NGEF: variants seen among roughly 807,000 people sequenced by gnomAD.
NGEF encodes the protein ephexin-1.
NGEF carries 31 observed loss-of-function variants against 80.9 expected under a neutral mutation model. That is an observed-to-expected ratio of 0.38 (90% CI 0.29 to 0.52). The LOEUF is 0.52. Among genes scored for constraint, NGEF ranks in the 20% least tolerant of loss-of-function variants. NGEF has a pLI of 0.84. For missense variants in NGEF, 709 were observed against 926.2 expected (o/e 0.77, Z 3.04); for synonymous variants, 371 against 370.2 (o/e 1.00, Z -0.03).
intron 5 of NGEF, among the ~76,000 whole-genome samples, chr2:232,899,267 G>A (rs1231092450): frequency 2.2e-5 from 3 of 135,582 alleles, no homozygotes; most frequent in African/African-American, 8.1e-5. Flanking sequence ...TGTCACTACA[G>A]AAGCTCCTCC....
chr2:233,006,258 C>G (rs1195325051), intron 1 of NGEF, among the ~76,000 whole-genome samples: 1 of 152,152 alleles, frequency 6.6e-6, no homozygotes, highest in Non-Finnish European at 1.5e-5. Context: ...CAGCATTTAC[C>G]AAGCCATTTT....
chr2:232,969,490 T>TTCCTTCCTTCCTTCCTTCCG (rs1694141914), intron 3 of NGEF, among the ~76,000 whole-genome samples: 1 of 114,716 alleles, frequency 8.7e-6, no homozygotes, highest in African/African-American at 3.6e-5. Flanking sequence ...CCTTCCTTCC[T>TTCCTTCCTTCCTTCCTTCCG]CCCTCCCTCC....
intron 3 of NGEF, among the ~76,000 whole-genome samples, chr2:232,929,647 T>A (rs1488110862): frequency 2.0e-5 from 3 of 152,222 alleles, no homozygotes; most frequent in Non-Finnish European, 4.4e-5. Context: ...CTCACTCCCA[T>A]GGACCCAGGT....
At chr2:233,003,767 C>G (rs1054075818) in intron 1 of NGEF, among the ~76,000 whole-genome samples, 18 of 152,138 alleles carry the variant, frequency 1.2e-4, no homozygotes, top group Non-Finnish European at 2.4e-4. Flanking sequence ...AAGTGCCAAG[C>G]TGAGGCCATC....
chr2:232,889,122 C>T (rs1691798098), intron 8 of NGEF, among the ~76,000 whole-genome samples: 1 of 152,180 alleles, frequency 6.6e-6, no homozygotes, highest in Non-Finnish European at 1.5e-5. Flanking sequence ...ACCTTCGAGA[C>T]CCACAGCCAC....
intron 13 of NGEF, among the ~76,000 whole-genome samples, chr2:232,881,749 G>A (rs1423620028): frequency 2.0e-5 from 3 of 152,094 alleles, no homozygotes; most frequent in African/African-American, 4.8e-5. Context: ...TGGCTATTCC[G>A]TATTTTTAGT....
At chr2:232,893,074 C>T (rs1016134591) in intron 6 of NGEF, 24 bp from the exon 7 acceptor site, 8 of 1,603,686 alleles carry the variant, frequency 5.0e-6, no homozygotes, top group East Asian at 2.2e-5. Context: ...CGGCTTGAGG[C>T]GGAGGGTGCC....
intron 3 of NGEF, among the ~76,000 whole-genome samples, chr2:232,941,193 A>G (rs1693430877): frequency 6.6e-6 from 1 of 152,008 alleles, no homozygotes; most frequent in African/African-American, 2.4e-5. Flanking sequence ...AGATCAGATG[A>G]GCCAGTTTAT....
intron 1 of NGEF, among the ~76,000 whole-genome samples, chr2:232,995,655 T>TATACAGTATGTATAC (rs1694823585): frequency 1.2e-5 from 1 of 84,680 alleles, no homozygotes; most frequent in African/African-American, 6.3e-5. Context: ...AGTGTATATA[T>TATACAGTATGTATAC]GTATTATAGT....
intron 1 of NGEF, among the ~76,000 whole-genome samples, chr2:232,984,107 C>T (rs1694489648): frequency 6.6e-6 from 1 of 152,190 alleles, no homozygotes; most frequent in Non-Finnish European, 1.5e-5. Flanking sequence ...TTTTTTCAGA[C>T]AAGGTCTCAC....
At chr2:232,906,872 ATG>A (rs1559204259) in intron 5 of NGEF, among the ~76,000 whole-genome samples, 8 of 151,720 alleles carry the variant, frequency 5.3e-5, no homozygotes, top group Non-Finnish European at 1.0e-4. Context: ...CTGTTGATCT[ATG>A]ACCTTACCCC....
chr2:233,008,633 G>A (rs1489942221), intron 1 of NGEF, among the ~76,000 whole-genome samples: 1 of 152,128 alleles, frequency 6.6e-6, no homozygotes, highest in Admixed American at 6.5e-5. Context: ...TCCCTTGAAG[G>A]GCACTGTCCA....
At chr2:232,957,471 C>T (rs766764294) in intron 3 of NGEF, among the ~76,000 whole-genome samples, 8 of 152,096 alleles carry the variant, frequency 5.3e-5, no homozygotes, top group Admixed American at 1.3e-4. Context: ...TACAGGCACC[C>T]GCCACCACAC....
At chr2:232,902,822 G>A (rs561671242) in intron 5 of NGEF, among the ~76,000 whole-genome samples, 5 of 152,204 alleles carry the variant, frequency 3.3e-5, no homozygotes, top group South Asian at 2.1e-4. Context: ...GTGAAACCCC[G>A]TCTCTACTAA....
At chr2:232,933,383 C>T (rs958071848) in intron 3 of NGEF, among the ~76,000 whole-genome samples, 5 of 152,120 alleles carry the variant, frequency 3.3e-5, no homozygotes, top group Non-Finnish European at 7.4e-5. Flanking sequence ...CGCTGGCCTC[C>T]GTGTCTGTAC....
Position 232,886,623 on chromosome 2 carries a change from A to T in NGEF, c.1348-1254T>A, listed in dbSNP as rs55796689. Among the ~76,000 whole-genome samples, 444 of 22,400 alleles carry T rather than the reference A, an allele frequency of 0.02. 6 individuals carry two copies. In the East Asian group the frequency reaches 0.25, roughly 12 times the overall value. The allele number at this position is 22,400 out of a possible 152,430, so 14.7% of individuals were successfully genotyped here. On this transcript the variant is annotated intron_variant, in intron 9 of 14. Coordinates refer to ENST00000264051, the MANE Select transcript of NGEF (RefSeq NM_019850.3). ...AGAGAAAAAATAAACCTTCATTTTT[A>T]AAAAAAAAAGCTATTAGAAACAGAG...
intron 1 of NGEF, among the ~76,000 whole-genome samples, chr2:233,006,364 G>A (rs1695084174): frequency 6.6e-6 from 1 of 152,204 alleles, no homozygotes; most frequent in African/African-American, 2.4e-5. Flanking sequence ...TGGGTCTAAT[G>A]TGCAGGTGCC....
At position 232,879,320 on chromosome 2, in the gene NGEF, G is replaced by C; in HGVS notation, c.*169C>G. 1.6e-6 allele frequency: 1 copy of C among 639,614 alleles called. No individual in the cohort carries two copies. Among genetic ancestry groups the C allele is most frequent in the Non-Finnish European group, 2.7e-6 (1 of 374,260 alleles). The allele number at this position is 639,614 out of a possible 1,614,324, so 39.6% of individuals were successfully genotyped here. On this transcript the variant is annotated 3_prime_UTR_variant, in exon 15 of 15. Transcript: ENST00000264051. ...CCTTTATCCAGTTTGCGAGCAAGGG[G>C]CCAAGACACATGAGCACTCACTGCG...
rs115141478 is a variant in NGEF at position 232,952,245 on chromosome 2, C to G, written c.383+17969G>C. ...ATGGATATAAATTCCAAGGACAATA[C>G]TTAAGAATCATTTTGATGCAAGAAT... On this transcript the variant is annotated intron_variant, in intron 3 of 14. Coordinates refer to ENST00000264051, the MANE Select transcript of NGEF (RefSeq NM_019850.3). Among the ~76,000 whole-genome samples the G allele has an allele frequency of 6.5e-3, 983 of 152,294 alleles. 16 individuals carry two copies. The highest frequency in any genetic ancestry group is 0.023 in the African/African-American group (937 of 41,554).
Sources: allele counts gnomAD v4.1 joint callset (sites outside exome capture counted in the v4.1 genomes callset), GRCh38; gene constraint gnomAD v4.1.1; transcripts MANE v1.5; gene names NCBI Gene and HGNC (gene_info 2026-07-23, HGNC 2026-07-21).